The following THNSL1 variants were observed in gnomAD, a reference collection of about 807,000 sequenced individuals.
THNSL1 encodes threonine synthase like 1.
A neutral mutation model predicts 50.4 loss-of-function variants in THNSL1; 48 were observed. The observed-to-expected ratio is 0.95, with a 90% CI of 0.76 to 1.21. The LOEUF (loss-of-function observed/expected upper bound fraction) is 1.21, where lower values mean the gene tolerates loss of function less well. Among genes scored for constraint, THNSL1 ranks in the 50% most tolerant of loss-of-function variants. The pLI, the probability that THNSL1 is intolerant of heterozygous loss-of-function variation, is 0.00. For missense variants in THNSL1, 896 were observed against 871.7 expected, an observed-to-expected ratio of 1.03 and a Z score of -0.35; for synonymous variants, 309 against 306.1, an observed-to-expected ratio of 1.01 and a Z score of -0.10.
the THNSL1 span, among the ~76,000 whole-genome samples, chr10:24,989,798 GC>G: frequency 6.6e-6 from 1 of 152,102 alleles, no homozygotes; most frequent in Non-Finnish European, 1.5e-5. Flanking sequence ...TATTATTTCT[GC>G]CTCTATAAGA....
chr10:25,013,606 A>G (rs1850500248), upstream of THNSL1, among the ~76,000 whole-genome samples: 1 of 152,232 alleles, frequency 6.6e-6, no homozygotes. Flanking sequence ...AACAAAATGG[A>G]AAGAGGGGAT....
At chr10:25,009,194 A>G in the THNSL1 span, among the ~76,000 whole-genome samples, 1 of 152,172 alleles carries the variant, frequency 6.6e-6, no homozygotes, top group African/African-American at 2.4e-5. Flanking sequence ...AACATGGCAC[A>G]TGTATACATA....
At chr10:25,009,567 T>G in the THNSL1 span, among the ~76,000 whole-genome samples, 1 of 152,226 alleles carries the variant, frequency 6.6e-6, no homozygotes, top group African/African-American at 2.4e-5. Flanking sequence ...AAAGTATTGC[T>G]ATCAGCCTAG....
chr10:24,982,189 G>A, the THNSL1 span: 1 of 152,224 alleles, frequency 6.6e-6, no homozygotes, highest in African/African-American at 2.4e-5. Flanking sequence ...GCCAGATTCT[G>A]AGGAATCAAA....
chr10:24,958,569 C>T, the THNSL1 span, among the ~76,000 whole-genome samples: 3 of 152,148 alleles, frequency 2.0e-5, no homozygotes, highest in Admixed American at 2.0e-4. Context: ...GCATAGTAAC[C>T]CGTCTTTCCC....
the THNSL1 span, among the ~76,000 whole-genome samples, chr10:24,959,874 T>G: frequency 6.6e-6 from 1 of 152,224 alleles, no homozygotes; most frequent in African/African-American, 2.4e-5. Context: ...GCATAGATAT[T>G]TTCTCTTCGT....
At chr10:25,020,276 A>ATATCTATATCTATATC (rs58705370) in intron 1 of THNSL1, among the ~76,000 whole-genome samples, 21,117 of 149,204 alleles carry the variant, frequency 0.14, 1,938 homozygotes, top group East Asian at 0.3. Context: ...ATCTATATCT[A>ATATCTATATCTATATC]TATATATCTA....
rs1292463637 is a variant in THNSL1, at chr10:25,023,623, T to C, written c.400T>C (p.Ser134Pro). The change falls in exon 3 of 3, where the codon TCC (serine) becomes CCC (proline). Residue 134 changes from serine (S) to proline (P), a missense_variant. Physicochemically the swap from Ser to Pro is moderately conservative, Grantham distance 74 (BLOSUM62 -1). Transcript: ENST00000376356. ...TGGAAGTGTGATTTCCCTTACTGGG[T>C]CCAATCCAATGCATGATGCTAGCAT... The part of the protein sequence containing the change: ...ASGSVISLTG[S>P]NPMHDASMWH... 1.2e-6 allele frequency: 2 copies of C among 1,614,036 alleles called. No individual in the cohort carries two copies. Among genetic ancestry groups the C allele is most frequent in the African/African-American group, 1.3e-5 (1 of 74,918 alleles).
At chr10:24,973,969 G>C in the THNSL1 span, among the ~76,000 whole-genome samples, 2 of 152,092 alleles carry the variant, frequency 1.3e-5, no homozygotes, top group African/African-American at 4.8e-5. Flanking sequence ...CGCCAGGCTG[G>C]ACTCAAACTC....
At chr10:24,996,478 T>TATATAACAATAAA in the THNSL1 span, among the ~76,000 whole-genome samples, 1 of 149,682 alleles carries the variant, frequency 6.7e-6, no homozygotes, top group Non-Finnish European at 1.5e-5. Flanking sequence ...ATATGAACAG[T>TATATAACAATAAA]ATATAAATAC....
the THNSL1 span, among the ~76,000 whole-genome samples, chr10:25,010,445 TTTATTA>T: frequency 6.6e-6 from 1 of 151,954 alleles, no homozygotes; most frequent in East Asian, 1.9e-4. Context: ...ACTCATTTTT[TTTATTA>T]TTATTATTAT....
chr10:24,984,262 G>A, the THNSL1 span: 1 of 1,236,396 alleles, frequency 8.1e-7, no homozygotes, highest in Non-Finnish European at 1.1e-6. Flanking sequence ...TTTTGCATTT[G>A]TGGAGCTCAG....
chr10:25,015,817 C>T (rs778063524), upstream of THNSL1: 8 of 1,541,420 alleles, frequency 5.2e-6, no homozygotes, highest in African/African-American at 1.4e-5. Context: ...ACTGAGTATT[C>T]CCCATTCTTG....
At chr10:24,999,946 T>C in the THNSL1 span, among the ~76,000 whole-genome samples, 2 of 152,198 alleles carry the variant, frequency 1.3e-5, no homozygotes, top group African/African-American at 4.8e-5. Context: ...CCAATGTTCA[T>C]GTTTTCCATT....
At chr10:25,009,276 A>C in the THNSL1 span, among the ~76,000 whole-genome samples, 1 of 152,078 alleles carries the variant, frequency 6.6e-6, no homozygotes, top group East Asian at 1.9e-4. Flanking sequence ...GTATGCATGC[A>C]GAAATTCTAC....
chr10:24,952,382 G>A, the THNSL1 span: 1 of 923,220 alleles, frequency 1.1e-6, no homozygotes, highest in Non-Finnish European at 1.7e-6. The surrounding 1 kb of genome is among the most constrained non-coding windows in gnomAD (Gnocchi z 5.1). Context: ...GCCCGGGTCC[G>A]AGGATGGAAG....
chr10:24,964,025 GAC>G, the THNSL1 span, among the ~76,000 whole-genome samples: 1 of 152,344 alleles, frequency 6.6e-6, no homozygotes, highest in African/African-American at 2.4e-5. Flanking sequence ...TAGCAATATA[GAC>G]ACTTGGAGCT....
chr10:24,956,739 T>A, the THNSL1 span, among the ~76,000 whole-genome samples: 1 of 152,194 alleles, frequency 6.6e-6, no homozygotes, highest in African/African-American at 2.4e-5. Flanking sequence ...TGCTGTGCCA[T>A]ACAGCAGGTG....
the THNSL1 span, among the ~76,000 whole-genome samples, chr10:24,952,934 G>C: frequency 6.6e-6 from 1 of 151,938 alleles, no homozygotes; most frequent in Non-Finnish European, 1.5e-5. The surrounding 1 kb of genome is among the most constrained non-coding windows in gnomAD (Gnocchi z 5.1). Context: ...AGCCCCGCGG[G>C]GACTCTGGAG....
Sources: allele counts gnomAD v4.1 joint callset (sites outside exome capture counted in the v4.1 genomes callset), GRCh38; gene constraint gnomAD v4.1.1; non-coding constraint Gnocchi (gnomAD v3.1); transcripts MANE v1.5; gene names NCBI Gene and HGNC (gene_info 2026-07-23, HGNC 2026-07-21).